DPP10: variants seen among roughly 807,000 people sequenced by gnomAD.
DPP10 encodes the protein inactive dipeptidyl peptidase 10.
Under a neutral mutation model 120.9 loss-of-function variants are expected in DPP10, and 33 were observed. The observed-to-expected ratio is 0.27, with a 90% CI of 0.21 to 0.37. The LOEUF (loss-of-function observed/expected upper bound fraction) is 0.37, where lower values mean the gene tolerates loss of function less well. Among genes scored for constraint, DPP10 ranks in the 10% least tolerant of loss-of-function variants. The pLI, the probability that DPP10 is intolerant of heterozygous loss-of-function variation, is 1.00. For missense variants in DPP10, 816 were observed against 942.8 expected (o/e 0.87, Z 1.76); for synonymous variants, 337 against 326.1 (o/e 1.03, Z -0.36).
At chr2:115,015,399 G>A (rs1483829131) in intron 1 of DPP10, among the ~76,000 whole-genome samples, 2 of 152,132 alleles carry the variant, frequency 1.3e-5, no homozygotes, top group Non-Finnish European at 2.9e-5. Context: ...ATATCATACT[G>A]AATGGGCAAA....
At chr2:115,779,302 A>C (rs1381765704) in intron 15 of DPP10, among the ~76,000 whole-genome samples, 1 of 152,108 alleles carries the variant, frequency 6.6e-6, no homozygotes, top group Non-Finnish European at 1.5e-5. Flanking sequence ...TGTAGTAGCA[A>C]TAAATTTTCC....
intron 1 of DPP10, among the ~76,000 whole-genome samples, chr2:114,846,220 A>AT (rs1688535971): frequency 6.6e-6 from 1 of 152,186 alleles, no homozygotes; most frequent in Non-Finnish European, 1.5e-5. Context: ...ATGGAAGCTA[A>AT]GAACCCAGTT....
intron 1 of DPP10, among the ~76,000 whole-genome samples, chr2:114,664,720 C>CAGATGGCATAGAGCATCCAAA (rs1558982358): frequency 6.6e-6 from 1 of 150,812 alleles, no homozygotes; most frequent in East Asian, 2.0e-4. Flanking sequence ...GAGAGGAACA[C>CAGATGGCATAGAGCATCCAAA]AGATGGCATA....
chr2:115,714,646 T>A (rs889125411), intron 7 of DPP10, among the ~76,000 whole-genome samples: 5 of 152,172 alleles, frequency 3.3e-5, no homozygotes, highest in African/African-American at 1.2e-4. Flanking sequence ...CTTTGGGTTC[T>A]TTCTATACAC....
At chr2:114,673,335 G>A (rs713370) in intron 1 of DPP10, among the ~76,000 whole-genome samples, 67,528 of 151,956 alleles carry the variant, frequency 0.44, 15,375 homozygotes, top group South Asian at 0.54. Context: ...ATAGTAAATG[G>A]TTGTGTTAGA....
In DPP10 at chr2:114,511,296, C is replaced by T. The variant is rs995151945; in HGVS notation, c.60+68458C>T. The stretch of plus-strand genomic sequence containing the variant: ...GAGAGACTTTATAAAATCAATGTGA[C>T]TCCAAGAAAGTATTAGCAGGAATTC... On this transcript the variant is annotated intron_variant, in intron 1 of 25. Transcript: ENST00000410059. 3.9e-5 allele frequency among the ~76,000 whole-genome samples: 6 copies of T among 152,146 alleles called. No homozygotes were observed. In the East Asian group the frequency reaches 1.2e-3, roughly 29 times the overall value.
chr2:115,213,282 G>A (rs2056630601), intron 1 of DPP10, among the ~76,000 whole-genome samples: 1 of 151,974 alleles, frequency 6.6e-6, no homozygotes, highest in African/African-American at 2.4e-5. Flanking sequence ...CAGTGTTCTC[G>A]GATAGCACTA....
At chr2:115,167,864 G>A (rs2053016774) in intron 1 of DPP10, among the ~76,000 whole-genome samples, 1 of 152,158 alleles carries the variant, frequency 6.6e-6, no homozygotes, top group South Asian at 2.1e-4. Flanking sequence ...GTTCTACTCT[G>A]TAAGAAGTCA....
At chr2:115,752,452 T>C (rs1678866654) in intron 10 of DPP10, among the ~76,000 whole-genome samples, 1 of 152,310 alleles carries the variant, frequency 6.6e-6, no homozygotes, top group South Asian at 2.1e-4. Flanking sequence ...ATAAATTATA[T>C]CTTTATTATA....
chr2:114,857,772 A>C (rs965095965), intron 1 of DPP10, among the ~76,000 whole-genome samples: 1 of 152,176 alleles, frequency 6.6e-6, no homozygotes, highest in African/African-American at 2.4e-5. Flanking sequence ...CCTGACTGAA[A>C]TGAGCCCATA....
At chr2:114,768,186 C>T (rs974424379) in intron 1 of DPP10, among the ~76,000 whole-genome samples, 17 of 147,038 alleles carry the variant, frequency 1.2e-4, no homozygotes, top group African/African-American at 3.8e-4. Context: ...GAATTATATA[C>T]CAAGCAAAAT....
At chr2:115,596,201 A>T (rs1399911972) in intron 5 of DPP10, among the ~76,000 whole-genome samples, 1 of 152,148 alleles carries the variant, frequency 6.6e-6, no homozygotes, top group Admixed American at 6.6e-5. Flanking sequence ...TTATGACCTT[A>T]AAACACCTAG....
intron 1 of DPP10, among the ~76,000 whole-genome samples, chr2:115,074,570 G>A (rs913675522): frequency 3.9e-5 from 6 of 152,148 alleles, no homozygotes; most frequent in Non-Finnish European, 7.3e-5. Context: ...ACCTTTCAGA[G>A]GTAGACAGAT....
chr2:115,146,839 C>A (rs2104873288), intron 1 of DPP10, among the ~76,000 whole-genome samples: 1 of 152,260 alleles, frequency 6.6e-6, no homozygotes, highest in Non-Finnish European at 1.5e-5. Context: ...TATGAGGACA[C>A]AGCAGGTGCC....
At chr2:114,846,224 C>T (rs1688536548) in intron 1 of DPP10, among the ~76,000 whole-genome samples, 1 of 152,000 alleles carries the variant, frequency 6.6e-6, no homozygotes, top group Non-Finnish European at 1.5e-5. Context: ...AAGCTAAGAA[C>T]CCAGTTTCAC....
At chr2:114,581,615 T>C (rs1690534446) in intron 1 of DPP10, among the ~76,000 whole-genome samples, 1 of 152,218 alleles carries the variant, frequency 6.6e-6, no homozygotes, top group Admixed American at 6.5e-5. Context: ...GCATTTTTGT[T>C]GGCCTTTTAT....
At chr2:115,378,434 A>T (rs1044236930) in intron 3 of DPP10, among the ~76,000 whole-genome samples, 1 of 151,678 alleles carries the variant, frequency 6.6e-6, no homozygotes, top group African/African-American at 2.4e-5. Flanking sequence ...GTTGCTTATC[A>T]GCTTAAGGAG....
chr2:115,370,407 T>A (rs998821459), intron 3 of DPP10, among the ~76,000 whole-genome samples: 13 of 152,044 alleles, frequency 8.6e-5, no homozygotes, highest in African/African-American at 3.1e-4. Context: ...AAAGCTGTAG[T>A]GTATGTATGA....
intron 1 of DPP10, among the ~76,000 whole-genome samples, chr2:114,614,041 T>C (rs1693490501): frequency 6.6e-6 from 1 of 152,072 alleles, no homozygotes; most frequent in African/African-American, 2.4e-5. Context: ...ATCTAGATGA[T>C]GGGTTGATAG....
Sources: allele counts gnomAD v4.1 joint callset (sites outside exome capture counted in the v4.1 genomes callset), GRCh38; gene constraint gnomAD v4.1.1; transcripts MANE v1.5; gene names NCBI Gene and HGNC (gene_info 2026-07-23, HGNC 2026-07-21).